RIN2: variants seen among roughly 807,000 people sequenced by gnomAD.
RIN2 encodes the protein Ras and Rab interactor 2.
In RIN2, 36 loss-of-function variants were observed where a neutral mutation model predicts 78.0. The ratio of observed to expected loss-of-function variants is 0.46; its 90% CI spans 0.35 to 0.61. RIN2 has a LOEUF of 0.61. Among genes scored for constraint, RIN2 ranks in the 20% least tolerant of loss-of-function variants. The pLI, the probability that RIN2 is intolerant of heterozygous loss-of-function variation, is 0.00. For missense variants in RIN2, 1,087 were observed against 1,159.7 expected (o/e 0.94, Z 0.91); for synonymous variants, 466 against 466.8 (o/e 1.00, Z 0.02).
chr20:19,816,139 A>G (rs2035760422), intron 2 of RIN2, among the ~76,000 whole-genome samples: 1 of 152,202 alleles, frequency 6.6e-6, no homozygotes, highest in Admixed American at 6.5e-5. Context: ...TATCTCAAAC[A>G]TACTTTTATC....
intron 2 of RIN2, among the ~76,000 whole-genome samples, chr20:19,803,375 T>C (rs2035307499): frequency 6.6e-6 from 1 of 152,204 alleles, no homozygotes; most frequent in African/African-American, 2.4e-5. Context: ...AACAGCATGA[T>C]ACTGGTACAA....
intron 9 of RIN2, among the ~76,000 whole-genome samples, chr20:19,978,207 A>T (rs1042012872): frequency 2.0e-5 from 3 of 152,216 alleles, no homozygotes; most frequent in African/African-American, 7.2e-5. Context: ...CTTCTGAAGA[A>T]GATAGCTCTG....
At chr20:19,758,927 C>A (rs1005875140) in intron 1 of RIN2, among the ~76,000 whole-genome samples, 1 of 152,188 alleles carries the variant, frequency 6.6e-6, no homozygotes, top group Non-Finnish European at 1.5e-5. Context: ...TGTGTCCGGG[C>A]AGGGGGCACT....
chr20:19,990,468 G>A lies in RIN2; in HGVS notation c.2068+157G>A, dbSNP rs199604. On this transcript the variant is annotated intron_variant, in intron 10 of 12. Transcript: ENST00000255006. ...AACTACAAGTGATTCTCTGATATCCGGCACATTAGTCACATGCAACAGATT... is the reference window on the plus strand; with the variant it reads ...AACTACAAGTGATTCTCTGATATCCAGCACATTAGTCACATGCAACAGATT... 0.27 allele frequency among the ~76,000 whole-genome samples: 41,766 copies of A among 151,948 alleles called. 6,441 individuals are homozygous for A. The highest frequency in any genetic ancestry group is 0.35 in the Non-Finnish European group (23,791 of 67,954).
chr20:19,823,328 C>T lies in RIN2; in HGVS notation c.-37+23581C>T, dbSNP rs189656523. 1,048 of 595,816 alleles carry T rather than the reference C, an allele frequency of 1.8e-3. 6 individuals are homozygous for T. Among genetic ancestry groups the T allele is most frequent in the African/African-American group, 0.016 (872 of 53,588 alleles). 36.9% of individuals were successfully genotyped at this position (595,816 alleles called of 1,614,324 possible). ...GAATGAAGTTCTCATCTTACTCTTT[C>T]GTGGCTGTTTGTCATTCTCTGAGCA... On this transcript the variant is annotated intron_variant, in intron 2 of 12. Coordinates refer to ENST00000255006, the MANE Select transcript of RIN2 (RefSeq NM_018993.4).
intron 3 of RIN2, among the ~76,000 whole-genome samples, chr20:19,921,305 A>T (rs1184043899): frequency 6.6e-6 from 1 of 152,134 alleles, no homozygotes; most frequent in Non-Finnish European, 1.5e-5. Flanking sequence ...TGGGTGGTGG[A>T]TAATTGAAAA....
intron 2 of RIN2, among the ~76,000 whole-genome samples, chr20:19,828,458 C>T (rs1189363014): frequency 3.3e-5 from 5 of 152,138 alleles, no homozygotes; most frequent in African/African-American, 7.2e-5. Flanking sequence ...AGAATATGTG[C>T]GGACAGCTGA....
At chr20:19,818,610 T>TAA (rs1344447897) in intron 2 of RIN2, among the ~76,000 whole-genome samples, 1 of 151,872 alleles carries the variant, frequency 6.6e-6, no homozygotes, top group Non-Finnish European at 1.5e-5. Context: ...TGCATGCCTG[T>TAA]AATACCAGCT....
Position 19,972,750 on chromosome 20 carries a change from A to T in RIN2, c.628+1821A>T, listed in dbSNP as rs560344700. Reference sequence around the variant, plus strand: ...CTAAATATACAAAGCCTTACAAAAGATTTACAGCTGTGACAGTATAAGTCT... The same window carrying T: ...CTAAATATACAAAGCCTTACAAAAGTTTTACAGCTGTGACAGTATAAGTCT... On this transcript the variant is annotated intron_variant, in intron 8 of 12. Transcript: ENST00000255006. 4.6e-5 allele frequency among the ~76,000 whole-genome samples: 7 copies of T among 152,316 alleles called. No homozygotes were observed. The East Asian group carries it at 7.7e-4, about 17-fold the overall frequency.
intron 2 of RIN2, among the ~76,000 whole-genome samples, chr20:19,832,245 G>C (rs911684760): frequency 6.7e-6 from 1 of 149,638 alleles, no homozygotes; most frequent in Non-Finnish European, 1.5e-5. Flanking sequence ...GATAGTCATC[G>C]CTGGCTCTGT....
intron 2 of RIN2, among the ~76,000 whole-genome samples, chr20:19,883,927 G>A (rs181035517): frequency 8.7e-4 from 132 of 151,340 alleles, no homozygotes; most frequent in Non-Finnish European, 1.4e-3. Context: ...GAAAAATTGA[G>A]GCACTGGACA....
chr20:19,786,069 G>T, intron 1 of RIN2, among the ~76,000 whole-genome samples: 1 of 152,204 alleles, frequency 6.6e-6, no homozygotes, highest in East Asian at 1.9e-4. Context: ...TTCAGTCTGT[G>T]GGACAGATTG....
chr20:19,933,872 G>A (rs1003080409), intron 3 of RIN2, among the ~76,000 whole-genome samples: 11 of 152,122 alleles, frequency 7.2e-5, no homozygotes, highest in Non-Finnish European at 1.2e-4. Flanking sequence ...GCAGTGGCAT[G>A]ATCTTGGCTC....
intron 1 of RIN2, among the ~76,000 whole-genome samples, chr20:19,775,591 G>A (rs1408819669): frequency 6.6e-6 from 1 of 152,176 alleles, no homozygotes; most frequent in Non-Finnish European, 1.5e-5. Context: ...CAGTCCATGT[G>A]CTATTTATTG....
chr20:19,838,099 C>G (rs2036475183), intron 2 of RIN2, among the ~76,000 whole-genome samples: 1 of 152,178 alleles, frequency 6.6e-6, no homozygotes, highest in Admixed American at 6.5e-5. Flanking sequence ...AACATATCTT[C>G]TCTCATTGGA....
rs191954211 is a variant in RIN2, at chr20:19,846,432, A to T, written c.-36-43134A>T. On this transcript the variant is annotated intron_variant, in intron 2 of 12. Coordinates refer to ENST00000255006, the MANE Select transcript of RIN2 (RefSeq NM_018993.4). ...AGTAGTGGTTTGTAGTTCTTGAAGA[A>T]GTCCTTCACATCCCTTGTAAGTTGG... is the stretch of plus-strand genomic sequence containing the variant. Among the ~76,000 whole-genome samples, 426 of 152,246 alleles carry T rather than the reference A, an allele frequency of 2.8e-3. 2 individuals are homozygous for T. Among genetic ancestry groups the T allele is most frequent in the African/African-American group, 1.0e-2 (415 of 41,546 alleles).
intron 1 of RIN2, among the ~76,000 whole-genome samples, chr20:19,779,921 C>T (rs747166461): frequency 1.3e-5 from 2 of 152,128 alleles, no homozygotes; most frequent in African/African-American, 4.8e-5. Context: ...TGGAGGTCAG[C>T]GTGTTTGCCC....
intron 3 of RIN2, among the ~76,000 whole-genome samples, chr20:19,897,972 C>T (rs2038811148): frequency 6.6e-6 from 1 of 152,168 alleles, no homozygotes; most frequent in Admixed American, 6.5e-5. Context: ...CTTCAGCCTC[C>T]CAAAGTGCTG....
At chr20:19,894,476 T>G (rs2038628091) in intron 3 of RIN2, among the ~76,000 whole-genome samples, 1 of 152,168 alleles carries the variant, frequency 6.6e-6, no homozygotes, top group South Asian at 2.1e-4. Context: ...GGCCTCAAAC[T>G]CCTAGCTTGA....
Sources: gnomAD v4.1 joint callset for allele counts (sites outside exome capture counted in the v4.1 genomes callset) on GRCh38, gnomAD v4.1.1 for gene constraint, MANE v1.5 for transcripts, NCBI Gene and HGNC (gene_info 2026-07-23, HGNC 2026-07-21) for gene names.